Variants in PDE1B observed in about 807,000 individuals in gnomAD.
PDE1B encodes dual specificity calcium/calmodulin-dependent 3',5'-cyclic nucleotide phosphodiesterase 1B.
Under a neutral mutation model 66.7 loss-of-function variants are expected in PDE1B, and 13 were observed. The observed-to-expected ratio is 0.19, with a 90% confidence interval of 0.13 to 0.31. The LOEUF (loss-of-function observed/expected upper bound fraction) is 0.31. Ranked by LOEUF, PDE1B falls within the 10% of genes least tolerant of loss-of-function variation. The pLI is 1.00. For missense variants in PDE1B, 485 were observed against 682.3 expected (o/e 0.71, Z 3.22); for synonymous variants, 230 against 253.9 (o/e 0.91, Z 0.90).
intron 3 of PDE1B, among the ~76,000 whole-genome samples, chr12:54,568,467 TACACACACACACACACACAC>T (rs56360853): frequency 4.2e-5 from 6 of 143,370 alleles, no homozygotes; most frequent in Admixed American, 3.4e-4. Context: ...TGTCTAAAAA[TACACACACACACACACACAC>T]ACACACACAC....
chr12:54,553,306 G>C (rs896779492), intron 2 of PDE1B, among the ~76,000 whole-genome samples: 1 of 152,104 alleles, frequency 6.6e-6, no homozygotes, highest in Non-Finnish European at 1.5e-5. Context: ...TCTTTTCTCT[G>C]CTCCAGTTTC....
rs1490745705 is a variant in PDE1B at position 54,573,943 on chromosome 12, A to G, written c.1064+234A>G. On this transcript the variant is annotated intron_variant, in intron 10 of 15. Transcript: ENST00000243052. The surrounding 1 kb of genome is among the most constrained non-coding windows in gnomAD (Gnocchi z 5.2). ...CGTTTACTCACAGCCTTGGCAGCTG[A>G]TCCACTGGAGAGTGCTTTGGGCTGG... The G allele has an allele frequency of 1.9e-6, 1 of 536,026 alleles. No individual in the cohort carries two copies. The highest frequency in any genetic ancestry group is 3.3e-6 in the Non-Finnish European group (1 of 300,896). The allele number at this position is 536,026 out of a possible 1,614,324, so 33.2% of individuals were successfully genotyped here.
At chr12:54,574,085 C>T (rs942407543) in intron 10 of PDE1B, 11 of 223,742 alleles carry the variant, frequency 4.9e-5, no homozygotes, top group Non-Finnish European at 5.4e-5. Context: ...GAAAATGATA[C>T]GCCTCCCCCC....
chr12:54,576,910 C>G (rs999306963), intron 14 of PDE1B: 3 of 619,456 alleles, frequency 4.8e-6, no homozygotes, highest in Admixed American at 2.9e-5. Context: ...ATGATAGAGA[C>G]AGTCAGATAT....
rs772760573 is a variant in PDE1B, at chr12:54,570,343, A to T, written c.580A>T (p.Ile194Phe). The change falls in exon 6 of 16, where the codon ATC (isoleucine) becomes TTC (phenylalanine). Residue 194 changes from isoleucine to phenylalanine, a missense_variant. Around this residue, in one of 4 missense-constraint regions of PDE1B, gnomAD observed 282 missense variants for 453.4 expected, o/e 0.62. Coordinates refer to ENST00000243052, the MANE Select transcript of PDE1B (RefSeq NM_000924.4). ...TGAGTTGCTGACTCGGCATAACCTC[A>T]TCAGCCGCTTCAAGGTTGGGCAGCA... Reference protein sequence around the residue: ...VFELLTRHNLISRFKIPTVFL... With the variant: ...VFELLTRHNLFSRFKIPTVFL... 3.7e-6 allele frequency: 6 copies of T among 1,605,064 alleles called. 1 individual carries two copies. In the South Asian group the frequency reaches 5.5e-5, roughly 15 times the overall value.
intron 2 of PDE1B, among the ~76,000 whole-genome samples, chr12:54,558,964 C>T (rs1021213190): frequency 6.6e-6 from 1 of 152,134 alleles, no homozygotes; most frequent in Non-Finnish European, 1.5e-5. Context: ...ATTATTTACC[C>T]ATTTTACAGA....
At chr12:54,565,595 A>G (rs1216341827) in intron 2 of PDE1B, among the ~76,000 whole-genome samples, 1 of 152,236 alleles carries the variant, frequency 6.6e-6, no homozygotes, top group African/African-American at 2.4e-5. Flanking sequence ...ATGGTGCAGC[A>G]GGAAGGCTGA....
chr12:54,572,693 C>T lies in PDE1B; in HGVS notation c.687C>T (p.Ala229=), dbSNP rs1484601535. 8 of 1,614,108 alleles carry T rather than the reference C, an allele frequency of 5.0e-6. No individual in the cohort carries two copies. The highest frequency in any genetic ancestry group is 2.2e-5 in the East Asian group (1 of 44,890). Residue 229 remains alanine (A), a synonymous_variant, in exon 7 of 16, where the codon GCC becomes GCT. Transcript: ENST00000243052. ...CTTACCACAACCAGATCCACGCAGC[C>T]GATGTTACCCAGACAGTCCATTGCT... The part of the protein sequence containing the change: ...KNPYHNQIHA[A]DVTQTVHCFL...
intron 6 of PDE1B, chr12:54,571,940 G>A (rs1957623299): frequency 6.6e-6 from 1 of 152,416 alleles, no homozygotes; most frequent in South Asian, 2.1e-4. Context: ...TTCAGGGACA[G>A]ATCACCAGTC....
At chr12:54,560,905 CTGCT>C (rs1957399697) in intron 2 of PDE1B, among the ~76,000 whole-genome samples, 1 of 152,126 alleles carries the variant, frequency 6.6e-6, no homozygotes, top group African/African-American at 2.4e-5. Context: ...CTTTCCTTCT[CTGCT>C]TGCGGGTGGA....
intron 6 of PDE1B, chr12:54,571,646 A>T (rs1957617928): frequency 6.6e-6 from 1 of 152,180 alleles, no homozygotes; most frequent in Non-Finnish European, 1.5e-5. Context: ...TGCCCTTCTC[A>T]AACTCCACAT....
At chr12:54,566,087 A>G (rs1273738296) in intron 2 of PDE1B, among the ~76,000 whole-genome samples, 1 of 152,204 alleles carries the variant, frequency 6.6e-6, no homozygotes, top group Non-Finnish European at 1.5e-5. Context: ...TTGCTTTGTG[A>G]CTGCCTGGGC....
At chr12:54,559,460 C>T (rs1287013119) in intron 2 of PDE1B, among the ~76,000 whole-genome samples, 2 of 152,060 alleles carry the variant, frequency 1.3e-5, no homozygotes, top group Non-Finnish European at 2.9e-5. Flanking sequence ...AGCCAGGTGA[C>T]AGTCTCCTTA....
chr12:54,577,063 C>A, intron 14 of PDE1B, 162 bp from the exon 15 acceptor site: 1 of 677,962 alleles, frequency 1.5e-6, no homozygotes, highest in Admixed American at 2.8e-5. Context: ...TGAGTTTTAG[C>A]AAGGCTGGAG....
In PDE1B at chr12:54,565,022, C is replaced by T. The variant is rs377641745; in HGVS notation, c.114-1952C>T. On this transcript the variant is annotated intron_variant, in intron 2 of 15. Coordinates refer to ENST00000243052, the MANE Select transcript of PDE1B (RefSeq NM_000924.4). ...AAATGAGATAATGTAGGAGAAAGCA[C>T]TTTTAAAAATGTAGAACTGGCAGCA... is the stretch of plus-strand genomic sequence containing the variant. Among the ~76,000 whole-genome samples, 95 of 152,320 alleles carry T rather than the reference C, an allele frequency of 6.2e-4. 2 individuals carry two copies. In the South Asian group the frequency reaches 0.016, roughly 26 times the overall value.
Position 54,569,703 on chromosome 12 carries a change from C to A in PDE1B, c.477+91C>A. On this transcript the variant is annotated intron_variant, in intron 5 of 15. Transcript: ENST00000243052. This position sits in a 1 kb window ranked among gnomAD's most constrained non-coding sequence, Gnocchi z 4.4. The stretch of plus-strand genomic sequence containing the variant: ...ACCCTGTTTATGGCATTATTTTTGC[C>A]TTCCTTTTTTTTTTTTGAAATGGAG... 1 of 873,846 alleles carries A rather than the reference C, an allele frequency of 1.1e-6. No homozygotes were observed. Among genetic ancestry groups the A allele is most frequent in the South Asian group, 1.5e-5 (1 of 68,544 alleles). The allele number at this position is 873,846 out of a possible 1,614,324, so 54.1% of individuals were successfully genotyped here.
At chr12:54,552,897 G>A (rs2121023085) in intron 2 of PDE1B, among the ~76,000 whole-genome samples, 1 of 152,364 alleles carries the variant, frequency 6.6e-6, no homozygotes, top group South Asian at 2.1e-4. Flanking sequence ...GGAATGGGAA[G>A]AAGACCAGAA....
chr12:54,550,007 G>T (rs377668113), intron 2 of PDE1B, 22 bp downstream of exon 2: 3 of 1,611,570 alleles, frequency 1.9e-6, no homozygotes, highest in Middle Eastern at 1.7e-4. Context: ...GCCCGGGAAT[G>T]GGGGGAAGGG....
At chr12:54,552,754 C>T (rs1957294694) in intron 2 of PDE1B, among the ~76,000 whole-genome samples, 1 of 152,186 alleles carries the variant, frequency 6.6e-6, no homozygotes, top group Non-Finnish European at 1.5e-5. Context: ...AACTCATAAA[C>T]TGAGGCATGA....
Sources: gnomAD v4.1 joint callset for allele counts (sites outside exome capture counted in the v4.1 genomes callset) on GRCh38, gnomAD v4.1.1 for gene constraint, gnomAD v4.1.1 regional missense constraint, Gnocchi (gnomAD v3.1) non-coding constraint, MANE v1.5 for transcripts, NCBI Gene and HGNC (gene_info 2026-07-23, HGNC 2026-07-21) for gene names.